SETD5: variants seen among roughly 807,000 people sequenced by gnomAD.
The protein encoded by SETD5 is histone-lysine N-methyltransferase SETD5.
SETD5 carries 44 observed loss-of-function variants against 153.3 expected under a neutral mutation model. The observed-to-expected ratio is 0.29, with a 90% CI of 0.23 to 0.37. The LOEUF (loss-of-function observed/expected upper bound fraction) is 0.37. SETD5 is among the 10% of genes least tolerant of loss of function. The pLI is 1.00. For missense variants in SETD5, 1,544 were observed against 1,768.0 expected, an observed-to-expected ratio of 0.87 and a Z score of 2.27; for synonymous variants, 716 against 645.2, an observed-to-expected ratio of 1.11 and a Z score of -1.66.
intron 1 of SETD5, among the ~76,000 whole-genome samples, chr3:9,408,854 A>C (rs2036124748): frequency 6.6e-6 from 1 of 152,160 alleles, no homozygotes; most frequent in African/African-American, 2.4e-5. Flanking sequence ...TAAAACTGAG[A>C]AAAATTTTAA....
In SETD5 at chr3:9,440,560, G is replaced by T. The variant is rs1280600221; in HGVS notation, c.672G>T (p.Gln224His). Reference sequence around the variant, plus strand: ...AGTATGAAGAAGCTTTCACTAATCAGTACAGTGCAGATGTACAGAACGCGC... The same window carrying T: ...AGTATGAAGAAGCTTTCACTAATCATTACAGTGCAGATGTACAGAACGCGC... ...TDQYEEAFTN[Q>H]YSADVQNALE... Residue 224 changes from glutamine to histidine, a missense_variant, in exon 8 of 23, where the codon CAG becomes CAT. Transcript: ENST00000402198. The T allele has an allele frequency of 1.2e-6, 2 of 1,613,992 alleles. No individual in the cohort carries two copies. The highest frequency in any genetic ancestry group is 2.2e-5 in the East Asian group (1 of 44,886).
Position 9,475,948 on chromosome 3 carries a change from C to T in SETD5, c.4186C>T (p.Gln1396Ter). ...GACTATCAGTCTGCCCAGTGCTGGGCAGTCAGCTGTCTACCAGGCCTCCAG... is the reference window on the plus strand; with the variant it reads ...GACTATCAGTCTGCCCAGTGCTGGGTAGTCAGCTGTCTACCAGGCCTCCAG... ...LRTISLPSAGQSAVYQASRVS... is the reference protein window; with the variant it reads ...LRTISLPSAG Residue 1396 changes from glutamine to a stop codon, truncating the protein, a stop_gained, in exon 23 of 23, where the codon CAG becomes TAG. Transcript: ENST00000402198. LOFTEE classifies it high-confidence loss of function. The T allele has an allele frequency of 6.2e-7, 1 of 1,614,026 alleles. No individual in the cohort carries two copies. The highest frequency in any genetic ancestry group is 8.5e-7 in the Non-Finnish European group (1 of 1,179,900).
intron 1 of SETD5, among the ~76,000 whole-genome samples, chr3:9,401,473 T>C (rs2034768414): frequency 6.6e-6 from 1 of 152,256 alleles, no homozygotes; most frequent in African/African-American, 2.4e-5. Context: ...GAAAACTTTT[T>C]TATATCTTTT....
At chr3:9,419,650 A>G (rs1009563258) in intron 1 of SETD5, among the ~76,000 whole-genome samples, 1 of 152,240 alleles carries the variant, frequency 6.6e-6, no homozygotes, top group Non-Finnish European at 1.5e-5. Context: ...ATATATTAAC[A>G]TCTTAATTTT....
At position 9,475,972 on chromosome 3, in the gene SETD5, A is replaced by C; in HGVS notation, c.4210A>C (p.Arg1404=). ...GCAGTCAGCTGTCTACCAGGCCTCCAGGGTATCTGCGGTTTCCAATTCACA... is the reference window on the plus strand; with the variant it reads ...GCAGTCAGCTGTCTACCAGGCCTCCCGGGTATCTGCGGTTTCCAATTCACA... ...AGQSAVYQAS[R]VSAVSNSQHY... Residue 1404 remains arginine, a synonymous_variant, in exon 23 of 23, where the codon AGG becomes CGG. Transcript: ENST00000402198. 1 of 1,614,012 alleles carries C rather than the reference A, an allele frequency of 6.2e-7. No homozygotes were observed.
intron 18 of SETD5, among the ~76,000 whole-genome samples, chr3:9,465,925 G>A (rs1345898480): frequency 6.6e-6 from 1 of 152,070 alleles, no homozygotes; most frequent in Non-Finnish European, 1.5e-5. Flanking sequence ...CTCCCTGGAG[G>A]GCATAAGATT....
At chr3:9,469,807 G>T (rs1344929252) in intron 18 of SETD5, among the ~76,000 whole-genome samples, 6 of 152,082 alleles carry the variant, frequency 3.9e-5, no homozygotes, top group Non-Finnish European at 5.9e-5. Flanking sequence ...GTGGTCTTGT[G>T]GTATGTTGAC....
chr3:9,474,485 A>G lies in SETD5; in HGVS notation c.3534A>G (p.Gly1178=). ...CATCAGTAGAACGACTCCGAGAAGG[A>G]GGGAGCATCCCCAAGGTCCTCCGAA... The part of the protein sequence containing the change: ...VPTSVERLRE[G]GSIPKVLRSS... Residue 1178 remains glycine, a synonymous_variant, in exon 21 of 23, where the codon GGA becomes GGG. Transcript: ENST00000402198. 1 of 1,613,782 alleles carries G rather than the reference A, an allele frequency of 6.2e-7. No individual in the cohort carries two copies. The highest frequency in any genetic ancestry group is 1.7e-5 in the Admixed American group (1 of 60,000).
At chr3:9,426,466 G>A (rs530115732) in intron 2 of SETD5, among the ~76,000 whole-genome samples, 74 of 150,070 alleles carry the variant, frequency 4.9e-4, no homozygotes, top group African/African-American at 1.6e-3. Flanking sequence ...GCGTGATCTC[G>A]GCTCACTGCA....
intron 1 of SETD5, among the ~76,000 whole-genome samples, chr3:9,404,354 A>G (rs1165686989): frequency 6.6e-6 from 1 of 152,204 alleles, no homozygotes; most frequent in African/African-American, 2.4e-5. Context: ...ACTTAACATT[A>G]TATTGTTATT....
chr3:9,442,049 C>T lies in SETD5; in HGVS notation c.960-79C>T. ...AAAAGACTGCTGCTGCTTCTCTCAG[C>T]ATATGCTTCATATTTGGAGTCATGG... On this transcript the variant is annotated intron_variant, in intron 9 of 22. Coordinates refer to ENST00000402198, the MANE Select transcript of SETD5 (RefSeq NM_001080517.3). 4 of 941,486 alleles carry T rather than the reference C, an allele frequency of 4.2e-6. No homozygotes were observed. The South Asian group carries it at 5.7e-5, about 13-fold the overall frequency. 58.3% of individuals were successfully genotyped at this position (941,486 alleles called of 1,614,324 possible).
chr3:9,415,142 TAAGA>T (rs2037225224), intron 1 of SETD5, among the ~76,000 whole-genome samples: 1 of 152,172 alleles, frequency 6.6e-6, no homozygotes, highest in South Asian at 2.1e-4. Context: ...ATATTTTGTA[TAAGA>T]AAGCAGTTTA....
intron 15 of SETD5, 69 bp from the exon 16 acceptor site, chr3:9,448,319 G>A (rs922412797): frequency 3.0e-5 from 47 of 1,549,596 alleles, no homozygotes; most frequent in Non-Finnish European, 3.9e-5. Context: ...GTTTCTAGAT[G>A]ACGTTTGTCT....
chr3:9,449,302 C>G (rs2042366454), intron 16 of SETD5, among the ~76,000 whole-genome samples: 1 of 152,234 alleles, frequency 6.6e-6, no homozygotes, highest in South Asian at 2.1e-4. Flanking sequence ...TTTTGGAATG[C>G]TCTTTCTTAA....
In SETD5 at chr3:9,448,733, A is replaced by T. The variant is rs970871008; in HGVS notation, c.2346+103A>T. On this transcript the variant is annotated intron_variant, in intron 16 of 22. Coordinates refer to ENST00000402198, the MANE Select transcript of SETD5 (RefSeq NM_001080517.3). ...ATGACATAAATAAAATGTTCTCTAGATAGCCACTCTGCCCATGTGAGTTTA... is the reference window on the plus strand; with the variant it reads ...ATGACATAAATAAAATGTTCTCTAGTTAGCCACTCTGCCCATGTGAGTTTA... 6.1e-6 allele frequency: 7 copies of T among 1,153,204 alleles called. No homozygotes were observed. The African/African-American group carries it at 7.9e-5, about 13-fold the overall frequency. The allele number at this position is 1,153,204 out of a possible 1,614,324, so 71.4% of individuals were successfully genotyped here.
intron 1 of SETD5, among the ~76,000 whole-genome samples, chr3:9,403,027 A>G (rs1188444615): frequency 6.6e-6 from 1 of 152,154 alleles, no homozygotes; most frequent in Non-Finnish European, 1.5e-5. Flanking sequence ...GGGCAGGACA[A>G]AGGGCTCTTT....
intron 1 of SETD5, among the ~76,000 whole-genome samples, chr3:9,413,459 C>T (rs2036900451): frequency 6.6e-6 from 1 of 152,092 alleles, no homozygotes; most frequent in Admixed American, 6.5e-5. Context: ...ATCTGCCCTT[C>T]TCTCTCCCCC....
At position 9,471,338 on chromosome 3, in the gene SETD5, A is replaced by G. The variant is rs555799723; in HGVS notation, c.3195+409A>G. Among the ~76,000 whole-genome samples the G allele has an allele frequency of 2.0e-5, 3 of 152,346 alleles. No individual in the cohort carries two copies. The South Asian group carries it at 6.2e-4, about 32-fold the overall frequency. ...GTAACTTTCCCGTGGTCACACAGCTAGTAAATGGAAGGACCAGGATACTAC... is the reference window on the plus strand; with the variant it reads ...GTAACTTTCCCGTGGTCACACAGCTGGTAAATGGAAGGACCAGGATACTAC... On this transcript the variant is annotated intron_variant, in intron 19 of 22. Transcript: ENST00000402198.
At chr3:9,422,588 AT>A (rs1235469667) in intron 1 of SETD5, among the ~76,000 whole-genome samples, 1 of 152,238 alleles carries the variant, frequency 6.6e-6, no homozygotes, top group Non-Finnish European at 1.5e-5. Flanking sequence ...AAAGTAAAAA[AT>A]GTTCAGTATT....
Sources: allele counts gnomAD v4.1 joint callset (sites outside exome capture counted in the v4.1 genomes callset), GRCh38; gene constraint gnomAD v4.1.1; transcripts MANE v1.5; gene names NCBI Gene and HGNC (gene_info 2026-07-23, HGNC 2026-07-21).